Variants in SYT10 observed in about 807,000 individuals in gnomAD.
SYT10 encodes the protein synaptotagmin 10.
SYT10 carries 31 observed loss-of-function variants against 51.1 expected under a neutral mutation model. That is an observed-to-expected ratio of 0.61 (90% CI 0.46 to 0.82). The LOEUF (loss-of-function observed/expected upper bound fraction) is 0.82. Among genes scored for constraint, SYT10 ranks in the 40% least tolerant of loss-of-function variants. The probability of loss-of-function intolerance (pLI) is 0.00; values close to 1 mark genes in which losing one functional copy is unlikely to be tolerated. For missense variants in SYT10, 603 were observed against 634.0 expected (o/e 0.95, Z 0.53); for synonymous variants, 233 against 225.9 (o/e 1.03, Z -0.28).
At chr12:33,431,300 T>A (rs1159385345) in intron 1 of SYT10, among the ~76,000 whole-genome samples, 1 of 152,204 alleles carries the variant, frequency 6.6e-6, no homozygotes, top group East Asian at 1.9e-4. Context: ...AATGCTCTTT[T>A]AAAATTTTTT....
At chr12:33,420,677 A>C (rs1294769653) in intron 2 of SYT10, among the ~76,000 whole-genome samples, 5 of 152,142 alleles carry the variant, frequency 3.3e-5, no homozygotes, top group Non-Finnish European at 5.9e-5. Flanking sequence ...ACAGCAAAAA[A>C]GAACCAAATC....
intron 2 of SYT10, among the ~76,000 whole-genome samples, chr12:33,415,274 C>T (rs1446140807): frequency 1.3e-5 from 2 of 152,132 alleles, no homozygotes; most frequent in Non-Finnish European, 2.9e-5. Flanking sequence ...TATCACTTTT[C>T]ATATTAACAT....
At chr12:33,432,865 C>T (rs189732505) in intron 1 of SYT10, 1 of 152,152 alleles carries the variant, frequency 6.6e-6, no homozygotes, top group African/African-American at 2.4e-5. Flanking sequence ...CCTTTCTATT[C>T]CCCTTAGGAT....
At chr12:33,406,704 C>T (rs1414982004) in intron 3 of SYT10, 85 bp downstream of exon 3, 2 of 1,171,604 alleles carry the variant, frequency 1.7e-6, no homozygotes, top group African/African-American at 3.1e-5. Context: ...CTCTGCAAGG[C>T]TTATTCCGAT....
intron 3 of SYT10, among the ~76,000 whole-genome samples, chr12:33,386,844 A>G (rs2138389665): frequency 6.6e-6 from 1 of 152,292 alleles, no homozygotes; most frequent in East Asian, 1.9e-4. Context: ...AACTGAATAC[A>G]TTATTTAATT....
At chr12:33,430,865 T>A (rs1015601629) in intron 1 of SYT10, among the ~76,000 whole-genome samples, 12 of 152,160 alleles carry the variant, frequency 7.9e-5, no homozygotes, top group Non-Finnish European at 1.5e-4. Flanking sequence ...GAAGTTAATT[T>A]ATTTATACTA....
intron 1 of SYT10, 51 bp from the exon 2 acceptor site, chr12:33,426,546 G>A: frequency 2.9e-6 from 4 of 1,376,170 alleles, no homozygotes; most frequent in Non-Finnish European, 3.9e-6. Context: ...ACATAAAAAA[G>A]CAGAAATGGA....
intron 2 of SYT10, among the ~76,000 whole-genome samples, chr12:33,410,532 T>TATC (rs56246042): frequency 0.61 from 92,901 of 151,700 alleles, 29,621 homozygotes; most frequent in East Asian, 0.89. Context: ...TTAAAGGACC[T>TATC]ATCGTTCAAT....
intron 2 of SYT10, among the ~76,000 whole-genome samples, chr12:33,425,641 T>C (rs1170666905): frequency 6.6e-6 from 1 of 152,196 alleles, no homozygotes; most frequent in East Asian, 1.9e-4. Flanking sequence ...GTTTTTGGTA[T>C]ATGTGTTAAA....
At chr12:33,439,289 G>C (rs1866663746) in intron 1 of SYT10, 83 bp downstream of exon 1, 3 of 1,494,646 alleles carry the variant, frequency 2.0e-6, no homozygotes, top group Non-Finnish European at 2.7e-6. Flanking sequence ...AGCGGCGCGG[G>C]AGGCGCAGAA....
intron 3 of SYT10, among the ~76,000 whole-genome samples, chr12:33,396,195 C>A (rs1866254561): frequency 6.6e-6 from 1 of 152,096 alleles, no homozygotes; most frequent in South Asian, 2.1e-4. Flanking sequence ...AAATCTTATG[C>A]ACTTTCTCTG....
chr12:33,377,009 C>T (rs11052656), intron 6 of SYT10, 108 bp from the exon 7 acceptor site: 2 of 1,169,272 alleles, frequency 1.7e-6, no homozygotes, highest in African/African-American at 1.5e-5. Context: ...ATGCGAATCT[C>T]TGAAGAAAGG....
At chr12:33,430,203 T>C (rs1211179224) in intron 1 of SYT10, among the ~76,000 whole-genome samples, 4 of 152,240 alleles carry the variant, frequency 2.6e-5, no homozygotes, top group Non-Finnish European at 5.9e-5. Context: ...TGTCGGTCTG[T>C]CTGACTATAT....
At chr12:33,419,398 A>G (rs1866481422) in intron 2 of SYT10, among the ~76,000 whole-genome samples, 1 of 152,176 alleles carries the variant, frequency 6.6e-6, no homozygotes, top group Non-Finnish European at 1.5e-5. Context: ...AAATTTAGCC[A>G]TGTGACTAAA....
chr12:33,417,729 G>A (rs1046112585), intron 2 of SYT10, among the ~76,000 whole-genome samples: 1 of 152,200 alleles, frequency 6.6e-6, no homozygotes, highest in African/African-American at 2.4e-5. Flanking sequence ...AGAGATGACA[G>A]AGCAATGAAT....
chr12:33,422,195 T>G (rs1345799087), intron 2 of SYT10, among the ~76,000 whole-genome samples: 6 of 152,114 alleles, frequency 3.9e-5, no homozygotes, highest in Non-Finnish European at 8.8e-5. Flanking sequence ...GGAACCAAAA[T>G]GCTAATGGTA....
At position 33,382,423 on chromosome 12, in the gene SYT10, C is replaced by T. The variant is rs1591980765; in HGVS notation, c.1296G>A (p.Glu432=). ...CTGGAGGGATGTCAAAAATAATGGC[C>T]TCATTGTACACAGGGTTTAGAGTGT... ...KKNTLNPVYN[E]AIIFDIPPEN... The change falls in exon 5 of 7, where the codon GAG becomes GAA. Residue 432 remains glutamate (E), a synonymous_variant. Coordinates refer to ENST00000228567, the MANE Select transcript of SYT10 (RefSeq NM_198992.4). The T allele has an allele frequency of 6.2e-7, 1 of 1,613,278 alleles. No individual in the cohort carries two copies. The highest frequency in any genetic ancestry group is 8.5e-7 in the Non-Finnish European group (1 of 1,179,600).
In SYT10 at chr12:33,422,936, C is replaced by T. The variant is rs962566351; in HGVS notation, c.509+3202G>A. 5.3e-5 allele frequency among the ~76,000 whole-genome samples: 8 copies of T among 151,990 alleles called. No individual in the cohort carries two copies. In the East Asian group the frequency reaches 7.7e-4, roughly 15 times the overall value. On this transcript the variant is annotated intron_variant, in intron 2 of 6. Transcript: ENST00000228567. ...TTTGGAGTAGAAAGAGTGAAAGATA[C>T]GTTGACTATACCCAGGATTAAATAT...
intron 3 of SYT10, among the ~76,000 whole-genome samples, chr12:33,397,121 G>A (rs1395564478): frequency 6.6e-6 from 1 of 152,168 alleles, no homozygotes; most frequent in African/African-American, 2.4e-5. Context: ...CACATACACA[G>A]CATGGTCCAG....
Sources: gnomAD v4.1 joint callset for allele counts (sites outside exome capture counted in the v4.1 genomes callset) on GRCh38, gnomAD v4.1.1 for gene constraint, MANE v1.5 for transcripts, NCBI Gene and HGNC (gene_info 2026-07-23, HGNC 2026-07-21) for gene names.